The following PARP14 variants were observed in gnomAD, a reference collection of about 807,000 sequenced individuals.
The protein encoded by PARP14 is protein mono-ADP-ribosyltransferase PARP14.
A neutral mutation model predicts 154.2 loss-of-function variants in PARP14; 59 were observed. The observed-to-expected ratio is 0.38, with a 90% CI of 0.31 to 0.48. The LOEUF is 0.48. Ranked by LOEUF, PARP14 falls within the 20% of genes least tolerant of loss-of-function variation. The pLI is 0.98. For synonymous variants in PARP14, 720 were observed against 780.5 expected, an observed-to-expected ratio of 0.92 and a Z score of 1.29; for missense variants, 1,734 against 2,131.6, an observed-to-expected ratio of 0.81 and a Z score of 3.67.
At chr3:122,683,284 G>A in intron 1 of PARP14, 3 of 984,784 alleles carry the variant, frequency 3.0e-6, no homozygotes, top group Non-Finnish European at 3.6e-6. Flanking sequence ...CACCCTCCAT[G>A]CCAGGAAGTG....
chr3:122,699,589 C>T lies in PARP14; in HGVS notation c.1035C>T (p.Asn345=), dbSNP rs138510197. 479 of 1,613,860 alleles carry T rather than the reference C, an allele frequency of 3.0e-4. 6 individuals carry two copies. The South Asian group carries it at 4.0e-3, about 13-fold the overall frequency. The change falls in exon 6 of 17, where the codon AAC becomes AAT. Residue 345 remains asparagine, a synonymous_variant. Coordinates refer to ENST00000474629, the MANE Select transcript of PARP14 (RefSeq NM_017554.3). ...AGAATCACCTCATTGAGGAGATAAA[C>T]GATGAAATGAGGCGTTGTCACTGTG... is the stretch of plus-strand genomic sequence containing the variant. ...QKKNHLIEEI[N]DEMRRCHCEL...
Position 122,681,409 on chromosome 3 carries a change from C to T in PARP14, c.187+339C>T, listed in dbSNP as rs1341813768. ...GTTGTTGTTGTGGAAGTGAGTCTAT[C>T]CTCTTATCATCCTTTTCTGTCTTTT... On this transcript the variant is annotated intron_variant, in intron 1 of 16. Transcript: ENST00000474629. This position sits in a 1 kb window ranked among gnomAD's most constrained non-coding sequence, Gnocchi z 5.5. Among the ~76,000 whole-genome samples, 1 of 152,220 alleles carries T rather than the reference C, an allele frequency of 6.6e-6. No individual in the cohort carries two copies. The highest frequency in any genetic ancestry group is 1.5e-5 in the Non-Finnish European group (1 of 68,028).
chr3:122,704,867 GTAGT>G (rs1939102958), intron 8 of PARP14, 119 bp downstream of exon 8: 2 of 631,630 alleles, frequency 3.2e-6, no homozygotes, highest in Non-Finnish European at 5.6e-6. Context: ...AAGTAAGAAG[GTAGT>G]TTATACTTGT....
chr3:122,714,177 C>T (rs918547499), intron 11 of PARP14, 85 bp from the exon 12 acceptor site: 7 of 1,114,638 alleles, frequency 6.3e-6, no homozygotes, highest in Non-Finnish European at 7.6e-6. Flanking sequence ...AAAATGCTTA[C>T]TTGCCAAGTT....
Position 122,718,502 on chromosome 3 carries a change from G to A in PARP14, c.4351G>A (p.Glu1451Lys). 6.2e-7 allele frequency: 1 copy of A among 1,613,904 alleles called. No individual in the cohort carries two copies. Among genetic ancestry groups the A allele is most frequent in the Non-Finnish European group, 8.5e-7 (1 of 1,179,822 alleles). Residue 1451 changes from glutamate (E) to lysine (K), a missense_variant, in exon 14 of 17, where the codon GAA becomes AAA. By Grantham distance (56) the Glu-to-Lys change is moderately conservative. This residue lies in a region of PARP14 where 1,646 missense variants were observed against 1,976.0 expected (regional missense o/e 0.83). Coordinates refer to ENST00000474629, the MANE Select transcript of PARP14 (RefSeq NM_017554.3). ...YAISWLQDLIEKEQCPYTSED... is the reference protein window; with the variant it reads ...YAISWLQDLIKKEQCPYTSED... ...TATCTCCTGGCTACAAGACCTGATTGAAAAAGAACAGTGTCCTTACACCAG... is the reference window on the plus strand; with the variant it reads ...TATCTCCTGGCTACAAGACCTGATTAAAAAAGAACAGTGTCCTTACACCAG...
At chr3:122,706,026 A>G (rs1184534263) in intron 8 of PARP14, among the ~76,000 whole-genome samples, 2 of 152,236 alleles carry the variant, frequency 1.3e-5, no homozygotes, top group African/African-American at 4.8e-5. Flanking sequence ...GCTAAGATTT[A>G]TATACACAAA....
At chr3:122,708,065 TA>T (rs2107648143) in intron 8 of PARP14, 124 bp from the exon 9 acceptor site, 1 of 589,734 alleles carries the variant, frequency 1.7e-6, no homozygotes, top group South Asian at 2.2e-5. Context: ...TGAAATTAAA[TA>T]ATACTGTTTG....
intron 3 of PARP14, among the ~76,000 whole-genome samples, chr3:122,690,803 C>T (rs139605365): frequency 0.017 from 2,535 of 152,302 alleles, 48 homozygotes; most frequent in Non-Finnish European, 0.028. Context: ...TGAGCCACTG[C>T]GCCTGGCCAC....
At chr3:122,713,301 G>T in intron 9 of PARP14, 123 bp from the exon 10 acceptor site, 1 of 698,888 alleles carries the variant, frequency 1.4e-6, no homozygotes, top group South Asian at 2.0e-5. Context: ...CCAGGTTAAA[G>T]ACCAGAGGTC....
intron 15 of PARP14, chr3:122,720,844 G>A (rs1322937470): frequency 1.1e-5 from 5 of 456,540 alleles, no homozygotes; most frequent in African/African-American, 2.0e-5. Flanking sequence ...GTGATGATTC[G>A]TGCCTGTAGT....
rs72964316 is a variant in PARP14 at position 122,691,807 on chromosome 3, G to A, written c.356-494G>A. Among the ~76,000 whole-genome samples, 1,380 of 152,214 alleles carry A rather than the reference G, an allele frequency of 9.1e-3. 14 individuals carry two copies. The highest frequency in any genetic ancestry group is 0.031 in the African/African-American group (1,280 of 41,512). On this transcript the variant is annotated intron_variant, in intron 3 of 16. Transcript: ENST00000474629. The stretch of plus-strand genomic sequence containing the variant: ...AATATAAGGCAGGTTCCTCAAAAAG[G>A]CCAGGCAGAAAAGGGTATAATAAAA...
rs1381608997 is a variant in PARP14 at position 122,714,394 on chromosome 3, A to T, written c.3965A>T (p.Asn1322Ile). The T allele has an allele frequency of 2.5e-6, 4 of 1,582,456 alleles. No homozygotes were observed. Among genetic ancestry groups the T allele is most frequent in the Non-Finnish European group, 8.5e-7 (1 of 1,170,152 alleles). Residue 1322 changes from asparagine (N) to isoleucine (I), a missense_variant, in exon 12 of 17, where the codon AAT becomes ATT. By Grantham distance (149) the Asn-to-Ile change is moderately radical (BLOSUM62 -3). Around this residue, in one of 2 missense-constraint regions of PARP14, gnomAD observed 1,646 missense variants for 1,976.0 expected, o/e 0.83. Transcript: ENST00000474629. ...GTTTTGCAGGAGTGTGAAAAAAAAA[A>T]TTACTCATCCATTTGCCTCCCAGCC... is the stretch of plus-strand genomic sequence containing the variant. ...SSVLQECEKK[N>I]YSSICLPAIG...
intron 12 of PARP14, among the ~76,000 whole-genome samples, chr3:122,717,569 T>C (rs1933030115): frequency 6.6e-6 from 1 of 152,218 alleles, no homozygotes; most frequent in Admixed American, 6.5e-5. Flanking sequence ...TAAATTTTGC[T>C]TAGTTCAAAT....
At position 122,681,927 on chromosome 3, in the gene PARP14, G is replaced by C. The variant is rs994444819; in HGVS notation, c.187+857G>C. Reference sequence around the variant, plus strand: ...GGCATCTTATGGATGATGACCTATCGGGATCTAGTCAACCCCTAATTCCGC... The same window carrying C: ...GGCATCTTATGGATGATGACCTATCCGGATCTAGTCAACCCCTAATTCCGC... On this transcript the variant is annotated intron_variant, in intron 1 of 16. Coordinates refer to ENST00000474629, the MANE Select transcript of PARP14 (RefSeq NM_017554.3). This position sits in a 1 kb window ranked among gnomAD's most constrained non-coding sequence, Gnocchi z 5.5. Among the ~76,000 whole-genome samples the C allele has an allele frequency of 6.6e-6, 1 of 152,144 alleles. No individual in the cohort carries two copies. Among genetic ancestry groups the C allele is most frequent in the Non-Finnish European group, 1.5e-5 (1 of 68,024 alleles).
intron 15 of PARP14, chr3:122,721,177 A>G (rs1231124910): frequency 3.4e-6 from 1 of 292,622 alleles, no homozygotes; most frequent in African/African-American, 2.3e-5. Context: ...CTCACCAGGG[A>G]ATATATTTAC....
At chr3:122,724,724 A>G (rs1933246468) in intron 15 of PARP14, among the ~76,000 whole-genome samples, 1 of 151,400 alleles carries the variant, frequency 6.6e-6, no homozygotes, top group Non-Finnish European at 1.5e-5. Context: ...GTCATAGGAT[A>G]ATAGTGGAGA....
chr3:122,706,857 A>G (rs1007809623), intron 8 of PARP14, among the ~76,000 whole-genome samples: 1 of 152,078 alleles, frequency 6.6e-6, no homozygotes. Context: ...TATTAACACT[A>G]GAATACATAC....
rs372661102 is a variant in PARP14 at position 122,701,249 on chromosome 3, A to G, written c.2695A>G (p.Arg899Gly). 1.9e-6 allele frequency: 3 copies of G among 1,613,760 alleles called. No individual in the cohort carries two copies. Among genetic ancestry groups the G allele is most frequent in the South Asian group, 2.2e-5 (2 of 91,050 alleles). The change falls in exon 6 of 17, where the codon AGA becomes GGA. Residue 899 changes from arginine (R) to glycine (G), a missense_variant. By Grantham distance (125) the Arg-to-Gly change is moderately radical. Transcript: ENST00000474629. This position sits in a 1 kb window ranked among gnomAD's most constrained non-coding sequence, Gnocchi z 4.0. ...CCCGAGGTGTGTGTACCTATTAAGG[A>G]GAGCTGTGCAACTCAGTCTCTGTCT... ...EAPRCVYLLR[R>G]AVQLSLCLAE...
chr3:122,681,571 C>A lies in PARP14; in HGVS notation c.187+501C>A, dbSNP rs1032821379. ...GAGGGGCAGAGGCGCTACCTAAAATCACACTGCCTGAATGTCAACGTAGAG... is the reference window on the plus strand; with the variant it reads ...GAGGGGCAGAGGCGCTACCTAAAATAACACTGCCTGAATGTCAACGTAGAG... On this transcript the variant is annotated intron_variant, in intron 1 of 16. Coordinates refer to ENST00000474629, the MANE Select transcript of PARP14 (RefSeq NM_017554.3). This position sits in a 1 kb window ranked among gnomAD's most constrained non-coding sequence, Gnocchi z 5.5. 5.9e-5 allele frequency among the ~76,000 whole-genome samples: 9 copies of A among 152,176 alleles called. No homozygotes were observed. Among genetic ancestry groups the A allele is most frequent in the African/African-American group, 2.2e-4 (9 of 41,436 alleles).
Sources: gnomAD v4.1 joint callset for allele counts (sites outside exome capture counted in the v4.1 genomes callset) on GRCh38, gnomAD v4.1.1 for gene constraint, gnomAD v4.1.1 regional missense constraint, Gnocchi (gnomAD v3.1) non-coding constraint, MANE v1.5 for transcripts, NCBI Gene and HGNC (gene_info 2026-07-23, HGNC 2026-07-21) for gene names.